Variants in AGT observed in about 807,000 individuals in gnomAD.
AGT encodes angiotensinogen.
In AGT, 26 loss-of-function variants were observed where a neutral mutation model predicts 28.1. That is an observed-to-expected ratio of 0.92 (90% confidence interval 0.68 to 1.28). The LOEUF (loss-of-function observed/expected upper bound fraction) is 1.28. Ranked by LOEUF, AGT falls within the 50% of genes most tolerant of loss-of-function variation. AGT has a pLI of 0.00. For synonymous variants in AGT, 259 were observed against 259.6 expected, an observed-to-expected ratio of 1.00 and a Z score of 0.02; for missense variants, 596 against 592.3, an observed-to-expected ratio of 1.01 and a Z score of -0.06.
chr1:230,710,597 T>C lies in AGT; in HGVS notation c.227A>G (p.Gln76Arg), dbSNP rs748448526. 9.3e-6 allele frequency: 15 copies of C among 1,614,152 alleles called. No homozygotes were observed. Among genetic ancestry groups the C allele is most frequent in the African/African-American group, 1.3e-5 (1 of 74,960 alleles). The change falls in exon 2 of 5, where the codon CAG (glutamine) becomes CGG (arginine). Residue 76 changes from glutamine to arginine, a missense_variant. By Grantham distance (43) the Gln-to-Arg change is conservative. Transcript: ENST00000366667. ...TGCAGCGACTAGCACCAGCTGGTCC[T>C]GTAGGGCCTTTTCATCCACAGGGGA... ...KTSPVDEKAL[Q>R]DQLVLVAAKL...
chr1:230,744,687 G>A (rs1195938800), intron 1 of AGT, among the ~76,000 whole-genome samples: 2 of 152,158 alleles, frequency 1.3e-5, no homozygotes, highest in Non-Finnish European at 2.9e-5. Flanking sequence ...AAAGAAAAAG[G>A]CAGGTTCTTC....
At chr1:230,743,826 ACCT>A (rs1453328936) in intron 1 of AGT, among the ~76,000 whole-genome samples, 2 of 152,132 alleles carry the variant, frequency 1.3e-5, no homozygotes, top group Admixed American at 1.3e-4. Context: ...CACTATGTTC[ACCT>A]CCTGCTGCCC....
chr1:230,726,343 G>C (rs1451707215), intron 1 of AGT, among the ~76,000 whole-genome samples: 1 of 152,050 alleles, frequency 6.6e-6, no homozygotes, highest in African/African-American at 2.4e-5. Context: ...GCCAAGATTT[G>C]AATCCAAGCA....
At chr1:230,729,241 G>A (rs1007453354) in intron 1 of AGT, among the ~76,000 whole-genome samples, 6 of 152,100 alleles carry the variant, frequency 3.9e-5, no homozygotes, top group African/African-American at 9.7e-5. Flanking sequence ...GCCTGTTGGC[G>A]CCAAACAGCC....
At chr1:230,740,422 T>G (rs531232493) in intron 1 of AGT, among the ~76,000 whole-genome samples, 1 of 152,332 alleles carries the variant, frequency 6.6e-6, no homozygotes, top group South Asian at 2.1e-4. Flanking sequence ...AGCCTTATTT[T>G]ACCCAACCCC....
At chr1:230,717,478 G>C (rs1381207644), upstream of AGT, among the ~76,000 whole-genome samples, 1 of 152,168 alleles carries the variant, frequency 6.6e-6, no homozygotes, top group Non-Finnish European at 1.5e-5. Context: ...AGCTGTATGA[G>C]GTAAGGAAAG....
chr1:230,728,815 T>C (rs1369955562), intron 1 of AGT, among the ~76,000 whole-genome samples: 1 of 152,186 alleles, frequency 6.6e-6, no homozygotes, highest in African/African-American at 2.4e-5. Context: ...CTTTTACTAA[T>C]GCCAGGAAAC....
intron 1 of AGT, among the ~76,000 whole-genome samples, chr1:230,732,074 C>A (rs558765122): frequency 1.3e-5 from 2 of 152,212 alleles, no homozygotes; most frequent in South Asian, 2.1e-4. Flanking sequence ...CTGCACCACC[C>A]CTATCTTCTC....
In AGT at chr1:230,709,984, G is replaced by A. The variant is rs1407482970; in HGVS notation, c.829+11C>T. The A allele has an allele frequency of 1.2e-6, 2 of 1,614,048 alleles. No individual in the cohort carries two copies. The highest frequency in any genetic ancestry group is 2.7e-5 in the African/African-American group (2 of 74,924). On this transcript the variant is annotated intron_variant, in intron 2 of 4. Coordinates refer to ENST00000366667, the MANE Select transcript of AGT (RefSeq NM_001384479.1). Reference sequence around the variant, plus strand: ...TCCTAGGGCCAGAGCCAGCAGAGAGGTTTGCCTTACCTTGGAAGTGGACGT... The same window carrying A: ...TCCTAGGGCCAGAGCCAGCAGAGAGATTTGCCTTACCTTGGAAGTGGACGT...
intron 3 of AGT, among the ~76,000 whole-genome samples, 195 bp from the exon 4 acceptor site, chr1:230,704,532 G>A (rs1417350520): frequency 6.6e-6 from 1 of 152,228 alleles, no homozygotes; most frequent in African/African-American, 2.4e-5. Context: ...CATGTCATTT[G>A]CAATACTATG....
chr1:230,710,450 A>G lies in AGT; in HGVS notation c.374T>C (p.Leu125Pro), dbSNP rs1558288088. The G allele has an allele frequency of 1.2e-6, 2 of 1,614,222 alleles. No homozygotes were observed. The highest frequency in any genetic ancestry group is 1.7e-6 in the Non-Finnish European group (2 of 1,180,038). ...LWGVVHGATVLSPTAVFGTLA... is the reference protein window; with the variant it reads ...LWGVVHGATVPSPTAVFGTLA... ...GGTGCCAAAGACAGCCGTTGGGGAG[A>G]GGACGGTGGCCCCATGGACCACGCC... Residue 125 changes from leucine (L) to proline (P), a missense_variant, in exon 2 of 5, where the codon CTC becomes CCC. Coordinates refer to ENST00000366667, the MANE Select transcript of AGT (RefSeq NM_001384479.1).
At position 230,702,929 on chromosome 1, in the gene AGT, C is replaced by G; in HGVS notation, c.*212G>C. The G allele has an allele frequency of 1.7e-6, 1 of 595,348 alleles. No individual in the cohort carries two copies. Among genetic ancestry groups the G allele is most frequent in the Admixed American group, 3.0e-5 (1 of 33,460 alleles). The allele number at this position is 595,348 out of a possible 1,614,324, so 36.9% of individuals were successfully genotyped here. ...AGCAAACTGGGAGGTGCATTTGTGC[C>G]GCTGCAGGCTTCTACTGCTCACTCC... On this transcript the variant is annotated 3_prime_UTR_variant, in exon 5 of 5. Transcript: ENST00000366667.
At chr1:230,708,810 T>G (rs1224486781) in intron 2 of AGT, among the ~76,000 whole-genome samples, 1 of 152,188 alleles carries the variant, frequency 6.6e-6, no homozygotes, top group Non-Finnish European at 1.5e-5. Context: ...GCCTCCAGTC[T>G]GCACACGGCA....
At chr1:230,744,782 C>T (rs1227603419) in intron 1 of AGT, among the ~76,000 whole-genome samples, 2 of 152,208 alleles carry the variant, frequency 1.3e-5, no homozygotes, top group Non-Finnish European at 2.9e-5. Context: ...GAACGTAAAT[C>T]CCTGAAGCTG....
chr1:230,719,263 C>T (rs1456538797), upstream of AGT, among the ~76,000 whole-genome samples: 2 of 152,132 alleles, frequency 1.3e-5, no homozygotes, highest in African/African-American at 2.4e-5. Context: ...CCTGATACCT[C>T]GGGCAGTGCC....
At chr1:230,723,960 A>G (rs187720279) in intron 1 of AGT, among the ~76,000 whole-genome samples, 56 of 152,356 alleles carry the variant, frequency 3.7e-4, no homozygotes, top group African/African-American at 1.3e-3. Flanking sequence ...ATGGTAGTTC[A>G]TGGTCAACCT....
At chr1:230,729,128 T>G (rs1664004882) in intron 1 of AGT, among the ~76,000 whole-genome samples, 1 of 152,194 alleles carries the variant, frequency 6.6e-6, no homozygotes, top group African/African-American at 2.4e-5. Flanking sequence ...CTGAGGCACC[T>G]GCCTGGTGCA....
chr1:230,736,506 G>A (rs758859873), intron 1 of AGT, among the ~76,000 whole-genome samples: 10 of 152,210 alleles, frequency 6.6e-5, no homozygotes, highest in South Asian at 4.2e-4. Context: ...GTGACAGAGC[G>A]AGACTCCATC....
At chr1:230,743,488 C>G (rs1439949726) in intron 1 of AGT, among the ~76,000 whole-genome samples, 2 of 152,218 alleles carry the variant, frequency 1.3e-5, no homozygotes, top group Non-Finnish European at 2.9e-5. Context: ...CTGGTTACAT[C>G]TGGAGTTAGC....
Sources: allele counts gnomAD v4.1 joint callset (sites outside exome capture counted in the v4.1 genomes callset), GRCh38; gene constraint gnomAD v4.1.1; transcripts MANE v1.5; gene names NCBI Gene and HGNC (gene_info 2026-07-23, HGNC 2026-07-21).